Variants in VMP1 observed in about 807,000 individuals in gnomAD.
VMP1 encodes vacuole membrane protein 1.
VMP1 carries 11 observed loss-of-function variants against 56.0 expected under a neutral mutation model. The ratio of observed to expected loss-of-function variants is 0.20; its 90% CI spans 0.12 to 0.32. VMP1 has a LOEUF of 0.32. VMP1 is among the 10% of genes least tolerant of loss of function. The probability of loss-of-function intolerance (pLI) is 1.00; values close to 1 mark genes in which losing one functional copy is unlikely to be tolerated. For missense variants in VMP1, 296 were observed against 490.3 expected (o/e 0.60, Z 3.74); for synonymous variants, 149 against 165.0 (o/e 0.90, Z 0.74).
intron 6 of VMP1, among the ~76,000 whole-genome samples, chr17:59,768,263 A>C (rs2645477): frequency 0.41 from 62,795 of 152,002 alleles, 14,797 homozygotes; most frequent in Non-Finnish European, 0.53. Context: ...GTTATGTTTA[A>C]ATTTGTTAAT....
At chr17:59,822,271 A>G (rs1362036230) in intron 10 of VMP1, among the ~76,000 whole-genome samples, 1 of 150,248 alleles carries the variant, frequency 6.7e-6, no homozygotes, top group African/African-American at 2.4e-5. Context: ...TTTTAATCAG[A>G]TTCTCCAATT....
intron 5 of VMP1, among the ~76,000 whole-genome samples, chr17:59,742,851 A>G (rs1401524261): frequency 2.6e-5 from 4 of 152,184 alleles, no homozygotes; most frequent in African/African-American, 9.7e-5. Flanking sequence ...TGAACTGCAC[A>G]TACGAGGGAT....
Position 59,838,382 on chromosome 17 carries a change from A to C in VMP1, c.1062A>C (p.Glu354Asp), listed in dbSNP as rs2039051612. The C allele has an allele frequency of 1.9e-6, 3 of 1,613,968 alleles. No homozygotes were observed. The African/African-American group carries it at 4.0e-5, about 22-fold the overall frequency. Residue 354 changes from glutamate (E) to aspartate (D), a missense_variant, in exon 11 of 12, where the codon GAA (glutamate) becomes GAC (aspartate). Glu to Asp is a conservative substitution (Grantham distance 45). Transcript: ENST00000262291. ...GGCAGAAGCTTCACCACAAAAGCGA[A>C]ATGGGCACACCACAGGTAAGACTTT... ...AQRQKLHHKS[E>D]MGTPQGENWL...
At position 59,840,664 on chromosome 17, in the gene VMP1, A is replaced by G. The variant is rs2039129291; in HGVS notation, c.*753A>G. The G allele has an allele frequency of 6.6e-6, 1 of 152,626 alleles. No individual in the cohort carries two copies. Among genetic ancestry groups the G allele is most frequent in the South Asian group, 2.1e-4 (1 of 4,834 alleles). 9.5% of individuals were successfully genotyped at this position (152,626 alleles called of 1,614,324 possible). A position where few individuals can be genotyped will look rare whatever the true frequency, so the allele number is the denominator to read the frequency against. On this transcript the variant is annotated 3_prime_UTR_variant, in exon 12 of 12. Transcript: ENST00000262291. ...TACCAGCTGAATGGCAGCCTTGCCT[A>G]ATCCACCTACAACAAGAATTTCTTA...
intron 8 of VMP1, among the ~76,000 whole-genome samples, chr17:59,810,203 G>A (rs1459993614): frequency 6.6e-6 from 1 of 151,860 alleles, no homozygotes; most frequent in Admixed American, 6.6e-5. Flanking sequence ...ACCCAGGCTG[G>A]AGTGCAGTGG....
At chr17:59,747,446 G>C (rs2035466192) in intron 5 of VMP1, among the ~76,000 whole-genome samples, 1 of 140,648 alleles carries the variant, frequency 7.1e-6, no homozygotes, top group African/African-American at 2.7e-5. Flanking sequence ...ATCTCACTCT[G>C]TTGCCCAGGC....
chr17:59,761,425 T>C (rs2036050749), intron 5 of VMP1, among the ~76,000 whole-genome samples: 1 of 152,240 alleles, frequency 6.6e-6, no homozygotes, highest in Non-Finnish European at 1.5e-5. Flanking sequence ...ATTGTATGGA[T>C]TTTGTCTTCC....
intron 7 of VMP1, among the ~76,000 whole-genome samples, chr17:59,792,888 T>A (rs35651084): frequency 0.84 from 57,716 of 68,410 alleles, 25,071 homozygotes; most frequent in East Asian, 0.93. Flanking sequence ...TTATTATTAT[T>A]ATTATCAGAT....
chr17:59,835,544 G>A (rs2038954645), intron 10 of VMP1, among the ~76,000 whole-genome samples: 1 of 150,232 alleles, frequency 6.7e-6, no homozygotes, highest in South Asian at 2.1e-4. Flanking sequence ...AGGCTGGAGT[G>A]CAATGGCATG....
At chr17:59,736,000 C>T (rs2035001389) in intron 3 of VMP1, among the ~76,000 whole-genome samples, 1 of 152,174 alleles carries the variant, frequency 6.6e-6, no homozygotes, top group African/African-American at 2.4e-5. Flanking sequence ...AAGTTATTCT[C>T]TGTACTATTA....
intron 7 of VMP1, among the ~76,000 whole-genome samples, chr17:59,774,909 G>C (rs1200012099): frequency 6.6e-6 from 1 of 151,762 alleles, no homozygotes; most frequent in Non-Finnish European, 1.5e-5. Context: ...GATCAGCCTG[G>C]GCAATAGTGA....
intron 7 of VMP1, among the ~76,000 whole-genome samples, chr17:59,788,678 G>A (rs1212959837): frequency 6.6e-6 from 1 of 151,242 alleles, no homozygotes; most frequent in Non-Finnish European, 1.5e-5. Context: ...GTGCTGGCGG[G>A]TGCTTCTAGT....
At chr17:59,721,366 G>C (rs2034390425) in intron 1 of VMP1, among the ~76,000 whole-genome samples, 1 of 152,098 alleles carries the variant, frequency 6.6e-6, no homozygotes, top group South Asian at 2.1e-4. Context: ...AAATAAGGAT[G>C]GGGATATTTT....
At position 59,780,841 on chromosome 17, in the gene VMP1, G is replaced by A. The variant is rs1277784851; in HGVS notation, c.714+6956G>A. On this transcript the variant is annotated intron_variant, in intron 7 of 11. Transcript: ENST00000262291. ...GACCTCAGGTGATCCACCCGCCTGG[G>A]CCTCCCAGAGTGCTGGGATTACAGG... Among the ~76,000 whole-genome samples, 3 of 152,250 alleles carry A rather than the reference G, an allele frequency of 2.0e-5. 1 individual carries two copies. Among genetic ancestry groups the A allele is most frequent in the South Asian group, 4.1e-4 (2 of 4,826 alleles).
intron 5 of VMP1, among the ~76,000 whole-genome samples, chr17:59,745,716 T>C (rs765693601): frequency 1.6e-4 from 25 of 152,210 alleles, no homozygotes; most frequent in Non-Finnish European, 2.8e-4. Flanking sequence ...TATTATGTGC[T>C]GATGAAACAG....
At chr17:59,734,183 G>C (rs1276647348) in intron 2 of VMP1, among the ~76,000 whole-genome samples, 1 of 152,176 alleles carries the variant, frequency 6.6e-6, no homozygotes, top group African/African-American at 2.4e-5. Context: ...AAGGCAGGGA[G>C]TTGGTTTTGC....
intron 7 of VMP1, among the ~76,000 whole-genome samples, chr17:59,782,941 A>G (rs1229256164): frequency 1.3e-5 from 2 of 152,192 alleles, no homozygotes; most frequent in Non-Finnish European, 2.9e-5. Context: ...GATGGCTCAC[A>G]CCTGTAATCC....
At chr17:59,718,566 C>T (rs905019878) in intron 1 of VMP1, among the ~76,000 whole-genome samples, 1 of 152,002 alleles carries the variant, frequency 6.6e-6, no homozygotes, top group African/African-American at 2.4e-5. Context: ...TGCAGTGCCA[C>T]AATCATAGCT....
chr17:59,801,108 ATATATG>A lies in VMP1; in HGVS notation c.715-7686_715-7681del, dbSNP rs1196684801. 2.2e-3 allele frequency among the ~76,000 whole-genome samples: 280 copies of A among 127,034 alleles called. 3 individuals carry two copies. Among genetic ancestry groups the A allele is most frequent in the Non-Finnish European group, 3.6e-3 (233 of 64,804 alleles). 83.3% of individuals were successfully genotyped at this position (127,034 alleles called of 152,430 possible). Reference sequence around the variant, plus strand: ...AAAAAAAAAATATATATATATATATATATATGTGTGTGTGTGTGTGTGTGTGTGTGT... The same window carrying A: ...AAAAAAAAAATATATATATATATATATGTGTGTGTGTGTGTGTGTGTGTGT... On this transcript the variant is annotated intron_variant, in intron 7 of 11. Transcript: ENST00000262291.
Sources: gnomAD v4.1 joint callset for allele counts (sites outside exome capture counted in the v4.1 genomes callset) on GRCh38, gnomAD v4.1.1 for gene constraint, MANE v1.5 for transcripts, NCBI Gene and HGNC (gene_info 2026-07-23, HGNC 2026-07-21) for gene names.